The following SLC5A6 variants were observed in gnomAD, a reference collection of about 807,000 sequenced individuals.
The protein encoded by SLC5A6 is solute carrier family 5 member 6.
In SLC5A6, 31 loss-of-function variants were observed where a neutral mutation model predicts 67.9. The observed-to-expected ratio is 0.46, with a 90% CI of 0.34 to 0.62. The LOEUF (loss-of-function observed/expected upper bound fraction) is 0.62, where lower values mean the gene tolerates loss of function less well. Ranked by LOEUF, SLC5A6 falls within the 20% of genes least tolerant of loss-of-function variation. SLC5A6 has a pLI of 0.01. For missense variants in SLC5A6, 673 were observed against 812.8 expected (o/e 0.83, Z 2.09); for synonymous variants, 343 against 331.0 (o/e 1.04, Z -0.39).
rs767858377 is a variant in SLC5A6, at chr2:27,200,564, C to T, written c.1780G>A (p.Gly594Ser). 3 of 1,613,066 alleles carry T rather than the reference C, an allele frequency of 1.9e-6. No homozygotes were observed. The highest frequency in any genetic ancestry group is 2.7e-5 in the African/African-American group (2 of 74,908). The change falls in exon 17 of 17, where the codon GGC (glycine) becomes AGC (serine). Residue 594 changes from glycine to serine, a missense_variant. Gly to Ser is a moderately conservative substitution (Grantham distance 56, BLOSUM62 0). Transcript: ENST00000310574. ...RSYGQDHLDT[G>S]LFPEKPRNGV... ...TTCCTCGGCTTCTCAGGAAACAGGCCAGTGTCGAGGTGGTCCTGCAAACAC... is the reference window on the plus strand; with the variant it reads ...TTCCTCGGCTTCTCAGGAAACAGGCTAGTGTCGAGGTGGTCCTGCAAACAC...
Position 27,207,763 on chromosome 2 carries a change from TC to T in SLC5A6, c.-114del. 1 of 984,066 alleles carries T rather than the reference TC, an allele frequency of 1.0e-6. No homozygotes were observed. The highest frequency in any genetic ancestry group is 1.5e-6 in the Non-Finnish European group (1 of 659,894). 61.0% of individuals were successfully genotyped at this position (984,066 alleles called of 1,614,324 possible). ...TCCAGCCACAGTCTCACAGTCTTCCTCCACGGAGTGATACTGTCCAGGGTGA... is the reference window on the plus strand; with the variant it reads ...TCCAGCCACAGTCTCACAGTCTTCCTCACGGAGTGATACTGTCCAGGGTGA... On this transcript the variant is annotated 5_prime_UTR_variant, in exon 3 of 17. Transcript: ENST00000310574. The surrounding 1 kb of genome is among the most constrained non-coding windows in gnomAD (Gnocchi z 5.5).
At position 27,204,409 on chromosome 2, in the gene SLC5A6, C is replaced by T; in HGVS notation, c.1005+52G>A. 3 of 1,561,520 alleles carry T rather than the reference C, an allele frequency of 1.9e-6. No individual in the cohort carries two copies. In the East Asian group the frequency reaches 6.8e-5, roughly 35 times the overall value. On this transcript the variant is annotated intron_variant, in intron 9 of 16. Transcript: ENST00000310574. ...GTCAGTCCTTTCCTACCTAGACACT[C>T]CTGTTGTGGGGCCAGGCCTGCCCTC... is the stretch of plus-strand genomic sequence containing the variant.
chr2:27,203,757 G>A (rs1253021783), intron 10 of SLC5A6, 22 bp downstream of exon 10: 4 of 1,589,246 alleles, frequency 2.5e-6, no homozygotes, highest in South Asian at 1.1e-5. Context: ...CCAGGCCTGA[G>A]GGAAATCGTT....
intron 16 of SLC5A6, 112 bp from the exon 17 acceptor site, chr2:27,200,691 G>C (rs1002085360): frequency 5.8e-5 from 65 of 1,126,638 alleles, no homozygotes; most frequent in Non-Finnish European, 7.9e-5. Context: ...GGCTGGGTTC[G>C]GGAGGGAGAG....
rs967340492 is a variant in SLC5A6, at chr2:27,204,297, C to T, written c.1005+164G>A. Among the ~76,000 whole-genome samples, 4 of 151,714 alleles carry T rather than the reference C, an allele frequency of 2.6e-5. No homozygotes were observed. In the South Asian group the frequency reaches 8.3e-4, roughly 32 times the overall value. On this transcript the variant is annotated intron_variant, in intron 9 of 16. Transcript: ENST00000310574. ...TGTGGTTAGGTGATGCTAGGGACCG[C>T]GATCCTCACATGCTAGATTCCTAGC...
rs762605889 is a variant in SLC5A6, at chr2:27,201,088, G to A, written c.1674C>T (p.Asn558=). 1.2e-6 allele frequency: 2 copies of A among 1,613,390 alleles called. No homozygotes were observed. Among genetic ancestry groups the A allele is most frequent in the East Asian group, 2.2e-5 (1 of 44,884 alleles). ...LTGRMRGRSL[N]PATIYPVLPK... is the part of the protein sequence containing the mutation. ...GCAACACTGGGTAAATGGTTGCAGG[G>A]TTCAGGGACCGGCCTCGCATTCTCC... Residue 558 remains asparagine (N), a synonymous_variant, in exon 16 of 17, where the codon AAC becomes AAT. Transcript: ENST00000310574.
intron 4 of SLC5A6, 53 bp downstream of exon 4, chr2:27,206,824 G>A (rs1328019510): frequency 1.2e-5 from 16 of 1,349,858 alleles, no homozygotes; most frequent in South Asian, 7.0e-5. Flanking sequence ...GCATGCTTGC[G>A]TTCAGGTCCC....
intron 11 of SLC5A6, 119 bp downstream of exon 11, chr2:27,203,114 C>T: frequency 2.6e-6 from 4 of 1,535,200 alleles, no homozygotes; most frequent in South Asian, 2.6e-5. Context: ...AGGTTGTGTG[C>T]TTCATTAGGC....
In SLC5A6 at chr2:27,202,805, G is replaced by T; in HGVS notation, c.1275+8C>A. Reference sequence around the variant, plus strand: ...TTAAAATTGCTTCCTACCCTCTATAGTTATTACCTGCAGCACAGGTCCCAT... The same window carrying T: ...TTAAAATTGCTTCCTACCCTCTATATTTATTACCTGCAGCACAGGTCCCAT... On this transcript the variant is annotated splice_region_variant and intron_variant, in intron 12 of 16. Coordinates refer to ENST00000310574, the MANE Select transcript of SLC5A6 (RefSeq NM_021095.4). 1 of 1,612,210 alleles carries T rather than the reference G, an allele frequency of 6.2e-7. No individual in the cohort carries two copies. The highest frequency in any genetic ancestry group is 8.5e-7 in the Non-Finnish European group (1 of 1,178,462).
chr2:27,206,179 G>C (rs144932380), intron 5 of SLC5A6, 86 bp from the exon 6 acceptor site: 2 of 1,116,424 alleles, frequency 1.8e-6, no homozygotes, highest in Non-Finnish European at 2.7e-6. Context: ...TCATGCCACA[G>C]AGATAAAGCA....
chr2:27,202,130 G>T, intron 12 of SLC5A6, 56 bp from the exon 13 acceptor site: 1 of 1,256,616 alleles, frequency 8.0e-7, no homozygotes, highest in East Asian at 2.3e-5. Context: ...GAGATGCCCA[G>T]ACTCACCATA....
chr2:27,203,389 G>A, intron 10 of SLC5A6, 44 bp from the exon 11 acceptor site: 1 of 1,566,018 alleles, frequency 6.4e-7, no homozygotes, highest in Non-Finnish European at 8.8e-7. Context: ...AGGCAAAATT[G>A]TCAGCTCTAT....
At chr2:27,208,846 C>T (rs1174958488) in intron 2 of SLC5A6, among the ~76,000 whole-genome samples, 1 of 152,154 alleles carries the variant, frequency 6.6e-6, no homozygotes, top group Non-Finnish European at 1.5e-5. Context: ...GAAGAGGGAG[C>T]TCATATTCAA....
At chr2:27,204,651 C>T in intron 8 of SLC5A6, 61 bp from the exon 9 acceptor site, 1 of 1,602,254 alleles carries the variant, frequency 6.2e-7, no homozygotes, top group Non-Finnish European at 8.5e-7. Context: ...CAGGTGTGTG[C>T]CCCTGACCTC....
upstream of SLC5A6, chr2:27,212,429 C>G: frequency 6.4e-7 from 1 of 1,558,398 alleles, no homozygotes; most frequent in African/African-American, 1.4e-5. Flanking sequence ...CGCCCTGCTC[C>G]TCGCTCTGGG....
rs1288226223 is a variant in SLC5A6, at chr2:27,202,766, A to G, written c.1275+47T>C. ...CCTTCTCAACTTCCTGTTTCAATCA[A>G]TTCCTTCTCTCCCTTAAAATTGCTT... On this transcript the variant is annotated intron_variant, in intron 12 of 16. Transcript: ENST00000310574. The G allele has an allele frequency of 5.2e-6, 8 of 1,526,752 alleles. No individual in the cohort carries two copies. In the African/African-American group the frequency reaches 1.1e-4, roughly 21 times the overall value. 94.6% of individuals were successfully genotyped at this position (1,526,752 alleles called of 1,614,324 possible). A position where few individuals can be genotyped will look rare whatever the true frequency, so the allele number is the denominator to read the frequency against.
At position 27,205,400 on chromosome 2, in the gene SLC5A6, C is replaced by T. The variant is rs548696581; in HGVS notation, c.684G>A (p.Leu228=). Residue 228 remains leucine (L), a synonymous_variant, in exon 7 of 17, where the codon TTG becomes TTA. Transcript: ENST00000310574. ...IIVGSAKVGG[L]GRVWAVASQH... ...GGGAAGCCACGGCCCACACACGCCC[C>T]AAGCCGCCCACCTTGGCTGACCCCA... 1.2e-6 allele frequency: 2 copies of T among 1,614,194 alleles called. No individual in the cohort carries two copies. Among genetic ancestry groups the T allele is most frequent in the South Asian group, 2.2e-5 (2 of 91,084 alleles).
chr2:27,204,329 G>A, intron 9 of SLC5A6, 132 bp downstream of exon 9: 1 of 998,252 alleles, frequency 1.0e-6, no homozygotes, highest in South Asian at 1.7e-5. Context: ...TAGCATCTCA[G>A]AGTGGGAAAG....
chr2:27,203,014 C>T (rs1673770934), intron 11 of SLC5A6, 134 bp from the exon 12 acceptor site: 8 of 1,516,330 alleles, frequency 5.3e-6, no homozygotes, highest in Non-Finnish European at 7.0e-6. Context: ...CATCACGCCC[C>T]AGCTTCCTCC....
Sources: allele counts gnomAD v4.1 joint callset (sites outside exome capture counted in the v4.1 genomes callset), GRCh38; gene constraint gnomAD v4.1.1; non-coding constraint Gnocchi (gnomAD v3.1); transcripts MANE v1.5; gene names NCBI Gene and HGNC (gene_info 2026-07-23, HGNC 2026-07-21).